The following ARHGEF26 variants were observed in gnomAD, a reference collection of about 807,000 sequenced individuals.
ARHGEF26 encodes the protein Rho guanine nucleotide exchange factor 26.
A neutral mutation model predicts 89.4 loss-of-function variants in ARHGEF26; 59 were observed. The observed-to-expected ratio is 0.66, with a 90% CI of 0.54 to 0.82. The LOEUF is 0.82. Among genes scored for constraint, ARHGEF26 ranks in the 40% least tolerant of loss-of-function variants. ARHGEF26 has a pLI of 0.00. For synonymous variants in ARHGEF26, 500 were observed against 428.4 expected (o/e 1.17, Z -2.06); for missense variants, 1,234 against 1,085.6 (o/e 1.14, Z -1.92).
chr3:154,186,171 A>C (rs923621436), intron 6 of ARHGEF26, among the ~76,000 whole-genome samples: 1 of 151,174 alleles, frequency 6.6e-6, no homozygotes, highest in South Asian at 2.1e-4. Context: ...ACACACCCCT[A>C]TACACATACT....
At chr3:154,141,147 A>C (rs1300410168) in intron 4 of ARHGEF26, among the ~76,000 whole-genome samples, 1 of 150,110 alleles carries the variant, frequency 6.7e-6, no homozygotes, top group Non-Finnish European at 1.5e-5. Context: ...TTGTATTTTT[A>C]GTAGAGACGG....
At chr3:154,236,993 A>G (rs1204615297) in intron 11 of ARHGEF26, among the ~76,000 whole-genome samples, 4 of 152,296 alleles carry the variant, frequency 2.6e-5, no homozygotes, top group Non-Finnish European at 2.9e-5. Context: ...GGCATATTCA[A>G]TGACACAACT....
chr3:154,240,627 G>T, intron 12 of ARHGEF26, 48 bp downstream of exon 12: 1 of 1,499,372 alleles, frequency 6.7e-7, no homozygotes. Flanking sequence ...GTATCTCCCT[G>T]ACCTGATTTT....
At chr3:154,158,066 A>G (rs1056219200) in intron 6 of ARHGEF26, among the ~76,000 whole-genome samples, 9 of 152,124 alleles carry the variant, frequency 5.9e-5, no homozygotes, top group African/African-American at 1.9e-4. Flanking sequence ...CTCTATTGAC[A>G]TTAGTAGGTG....
chr3:154,239,066 A>C (rs1230011847), intron 11 of ARHGEF26, among the ~76,000 whole-genome samples: 2 of 152,002 alleles, frequency 1.3e-5, no homozygotes. Context: ...GATTACAGAG[A>C]GTTTGTAGTT....
intron 6 of ARHGEF26, among the ~76,000 whole-genome samples, chr3:154,161,098 GTTTGTGTGTGTGT>G (rs1419858567): frequency 0.091 from 1,707 of 18,764 alleles, 37 homozygotes; most frequent in African/African-American, 0.14. Context: ...TGGTAGCCAG[GTTTGTGTGTGTGT>G]GTGTGTGTGT....
At chr3:154,176,181 C>T (rs531041743) in intron 6 of ARHGEF26, among the ~76,000 whole-genome samples, 1 of 152,252 alleles carries the variant, frequency 6.6e-6, no homozygotes, top group African/African-American at 2.4e-5. Context: ...TGCAGCCTTC[C>T]CCTGAGTAAA....
intron 3 of ARHGEF26, among the ~76,000 whole-genome samples, chr3:154,127,745 T>C (rs943154996): frequency 1.3e-5 from 2 of 152,166 alleles, no homozygotes; most frequent in African/African-American, 4.8e-5. Context: ...GCTATACTTT[T>C]GTATTTTTGG....
At chr3:154,249,655 G>A (rs936676871) in intron 12 of ARHGEF26, among the ~76,000 whole-genome samples, 1 of 152,120 alleles carries the variant, frequency 6.6e-6, no homozygotes, top group African/African-American at 2.4e-5. Context: ...TGTATTTGCT[G>A]TGCACCTCTC....
In ARHGEF26 at chr3:154,177,539, T is replaced by C. The variant is rs528587000; in HGVS notation, c.1488-10146T>C. Among the ~76,000 whole-genome samples, 3 of 152,286 alleles carry C rather than the reference T, an allele frequency of 2.0e-5. No individual in the cohort carries two copies. The East Asian group carries it at 5.8e-4, about 29-fold the overall frequency. On this transcript the variant is annotated intron_variant, in intron 6 of 14. Transcript: ENST00000465093. ...TGGGGGACATGTTGGCTGAATTCCC[T>C]CTCACTGACCCTACAAATACAAAGA...
intron 3 of ARHGEF26, among the ~76,000 whole-genome samples, chr3:154,127,899 T>C (rs1298693464): frequency 6.6e-6 from 1 of 152,186 alleles, no homozygotes; most frequent in Admixed American, 6.5e-5. Flanking sequence ...TGGTTTGTCA[T>C]TGATCAAAAC....
intron 11 of ARHGEF26, among the ~76,000 whole-genome samples, chr3:154,230,709 C>T (rs1716778778): frequency 6.6e-6 from 1 of 152,158 alleles, no homozygotes; most frequent in Admixed American, 6.5e-5. Flanking sequence ...ATTTCTACTT[C>T]CTGATTTCTG....
chr3:154,205,913 A>G (rs1714990164), intron 9 of ARHGEF26, among the ~76,000 whole-genome samples: 1 of 152,092 alleles, frequency 6.6e-6, no homozygotes, highest in African/African-American at 2.4e-5. Flanking sequence ...GGGTAGGGGT[A>G]GTTTACACAC....
At chr3:154,129,016 G>T (rs906948911) in intron 3 of ARHGEF26, among the ~76,000 whole-genome samples, 1 of 152,146 alleles carries the variant, frequency 6.6e-6, no homozygotes, top group Non-Finnish European at 1.5e-5. Flanking sequence ...CTAAGCTGTT[G>T]CCGGTTCCTA....
chr3:154,187,092 A>G (rs1168286393), intron 6 of ARHGEF26: 1 of 217,186 alleles, frequency 4.6e-6, no homozygotes, highest in African/African-American at 2.4e-5. Flanking sequence ...GCGTTTCACC[A>G]TGTTGGCCAG....
intron 8 of ARHGEF26, among the ~76,000 whole-genome samples, chr3:154,193,894 G>A (rs934845040): frequency 1.3e-5 from 2 of 151,852 alleles, no homozygotes; most frequent in African/African-American, 4.8e-5. Context: ...GAGTGCAATG[G>A]TGCGATCTCG....
At chr3:154,248,298 G>A (rs1249610665) in intron 12 of ARHGEF26, among the ~76,000 whole-genome samples, 2 of 152,122 alleles carry the variant, frequency 1.3e-5, no homozygotes, top group Non-Finnish European at 2.9e-5. Context: ...CAATTCCTGG[G>A]CCTCCTGATA....
At chr3:154,144,745 C>A (rs148125157) in intron 4 of ARHGEF26, among the ~76,000 whole-genome samples, 105 of 152,234 alleles carry the variant, frequency 6.9e-4, no homozygotes, top group African/African-American at 2.5e-3. Flanking sequence ...TCGATGTTGC[C>A]TGCTTGAGGC....
chr3:154,129,560 T>G lies in ARHGEF26; in HGVS notation c.1124-14T>G. The G allele has an allele frequency of 6.2e-7, 1 of 1,609,200 alleles. No homozygotes were observed. Among genetic ancestry groups the G allele is most frequent in the Non-Finnish European group, 8.5e-7 (1 of 1,177,512 alleles). ...GAGAACAATTAGTGACACATAGGCC[T>G]TGTTTTCTTGCAGAAAATGCTGTCC... On this transcript the variant is annotated splice_polypyrimidine_tract_variant and intron_variant, in intron 3 of 14. Transcript: ENST00000465093.
Sources: gnomAD v4.1 joint callset for allele counts (sites outside exome capture counted in the v4.1 genomes callset) on GRCh38, gnomAD v4.1.1 for gene constraint, MANE v1.5 for transcripts, NCBI Gene and HGNC (gene_info 2026-07-23, HGNC 2026-07-21) for gene names.